Variants in PARP4 observed in about 807,000 individuals in gnomAD.
The protein encoded by PARP4 is protein mono-ADP-ribosyltransferase PARP4.
PARP4 carries 120 observed loss-of-function variants against 187.7 expected under a neutral mutation model. That is an observed-to-expected ratio of 0.64 (90% CI 0.55 to 0.74). The LOEUF is 0.74. PARP4 is among the 30% of genes least tolerant of loss of function. The probability of loss-of-function intolerance (pLI) is 0.00; values close to 1 mark genes in which losing one functional copy is unlikely to be tolerated. For synonymous variants in PARP4, 654 were observed against 740.9 expected (o/e 0.88, Z 1.90); for missense variants, 1,836 against 2,070.5 (o/e 0.89, Z 2.20).
rs2137460686 is a variant in PARP4 at position 24,446,724 on chromosome 13, C to T, written c.3323G>A (p.Arg1108His). The T allele has an allele frequency of 6.2e-7, 1 of 1,604,032 alleles. No individual in the cohort carries two copies. The change falls in exon 27 of 34, where the codon CGT becomes CAT. Residue 1108 changes from arginine to histidine, a missense_variant. This residue lies in a region of PARP4 where 56 missense variants were observed against 56.6 expected (regional missense o/e 0.99). Coordinates refer to ENST00000381989, the MANE Select transcript of PARP4 (RefSeq NM_006437.4). ...AAGCTCAGTAGTCGACACCATTGTA[C>T]GAAATTCTTTCTCTTGAATTAGTGC... The part of the protein sequence containing the change: ...LCALIQEKEF[R>H]TMVSTTELQK...
intron 9 of PARP4, among the ~76,000 whole-genome samples, chr13:24,491,995 G>A (rs948179595): frequency 2.0e-5 from 3 of 152,208 alleles, no homozygotes; most frequent in Non-Finnish European, 2.9e-5. Context: ...AGGGACGGAA[G>A]GAGGCTGGGA....
At chr13:24,448,280 T>C (rs9318561) in intron 25 of PARP4, among the ~76,000 whole-genome samples, 125,711 of 152,032 alleles carry the variant, frequency 0.83, 54,511 homozygotes, top group East Asian at 0.98. Context: ...TGGTGGCATA[T>C]GCCTGTAGTC....
intron 25 of PARP4, among the ~76,000 whole-genome samples, chr13:24,448,878 T>C (rs1251810352): frequency 6.6e-6 from 1 of 152,140 alleles, no homozygotes. Flanking sequence ...AAAGGGACAA[T>C]GTCCTATGAC....
At chr13:24,481,907 TAG>T in intron 12 of PARP4, among the ~76,000 whole-genome samples, 1 of 152,332 alleles carries the variant, frequency 6.6e-6, no homozygotes, top group Non-Finnish European at 1.5e-5. Flanking sequence ...ATAGCTGCCA[TAG>T]ACAGTGATTC....
At chr13:24,478,439 TTTC>T (rs1287867399) in intron 12 of PARP4, among the ~76,000 whole-genome samples, 163 bp from the exon 13 acceptor site, 18 of 152,198 alleles carry the variant, frequency 1.2e-4, no homozygotes, top group African/African-American at 3.4e-4. Flanking sequence ...TTATTTAATA[TTTC>T]TTCTTTTTTT....
chr13:24,466,521 G>A (rs376965370), intron 17 of PARP4, among the ~76,000 whole-genome samples: 7 of 152,174 alleles, frequency 4.6e-5, no homozygotes, highest in Admixed American at 6.5e-5. Context: ...CTGGCTGGGC[G>A]CAGTGGCTCA....
intron 8 of PARP4, 32 bp downstream of exon 8, chr13:24,493,564 T>C (rs1336471839): frequency 6.9e-6 from 11 of 1,588,306 alleles, no homozygotes; most frequent in Admixed American, 1.9e-5. Flanking sequence ...GGCAGATTTT[T>C]CACATTCTGT....
intron 12 of PARP4, among the ~76,000 whole-genome samples, chr13:24,480,927 C>T (rs1174939289): frequency 6.6e-6 from 1 of 152,254 alleles, no homozygotes; most frequent in Non-Finnish European, 1.5e-5. Flanking sequence ...TCCATGTAGA[C>T]AAAACAGCCT....
At chr13:24,500,904 T>A (rs1184701082) in intron 3 of PARP4, among the ~76,000 whole-genome samples, 1 of 152,228 alleles carries the variant, frequency 6.6e-6, no homozygotes, top group Non-Finnish European at 1.5e-5. Flanking sequence ...CCAAGGATCA[T>A]CAGTGTATTT....
At chr13:24,474,104 T>C (rs1276404130) in intron 15 of PARP4, among the ~76,000 whole-genome samples, 1 of 152,186 alleles carries the variant, frequency 6.6e-6, no homozygotes, top group Non-Finnish European at 1.5e-5. Flanking sequence ...TCCTGTGACT[T>C]TGACCATTCT....
At chr13:24,479,627 G>A (rs1368026216) in intron 12 of PARP4, among the ~76,000 whole-genome samples, 2 of 152,146 alleles carry the variant, frequency 1.3e-5, no homozygotes, top group Non-Finnish European at 2.9e-5. Context: ...TGGTGGGGAG[G>A]TGGAGAACCT....
chr13:24,449,581 G>A, intron 25 of PARP4, 137 bp downstream of exon 25: 2 of 566,730 alleles, frequency 3.5e-6, no homozygotes, highest in Non-Finnish European at 6.5e-6. Flanking sequence ...CTGAGGCAGG[G>A]CTCACACCTG....
At chr13:24,486,983 C>A (rs1593640155) in intron 10 of PARP4, among the ~76,000 whole-genome samples, 1 of 151,192 alleles carries the variant, frequency 6.6e-6, no homozygotes, top group Non-Finnish European at 1.5e-5. Context: ...AGTTATCGGC[C>A]GGGCATGGTG....
At position 24,499,392 on chromosome 13, in the gene PARP4, T is replaced by C. The variant is rs372801370; in HGVS notation, c.402-16A>G. 3.2e-6 allele frequency: 5 copies of C among 1,552,612 alleles called. No homozygotes were observed. The highest frequency in any genetic ancestry group is 2.8e-5 in the African/African-American group (2 of 71,174). ...CATACCAAACCTGAAATTTGTAGTG[T>C]ATAATTAAAATTTTAACATTAAATG... On this transcript the variant is annotated splice_polypyrimidine_tract_variant and intron_variant, in intron 4 of 33. Transcript: ENST00000381989.
chr13:24,469,513 AGCTTT>A (rs1232976532), intron 16 of PARP4, among the ~76,000 whole-genome samples: 6 of 152,198 alleles, frequency 3.9e-5, no homozygotes, highest in Non-Finnish European at 8.8e-5. Flanking sequence ...AAGTTACAAT[AGCTTT>A]CATTTCAGCT....
intron 2 of PARP4, 125 bp from the exon 3 acceptor site, chr13:24,501,959 C>A (rs544444066): frequency 1.1e-5 from 7 of 615,010 alleles, no homozygotes; most frequent in Admixed American, 6.1e-5. Context: ...TCTCAAATTT[C>A]GAAAAACCTC....
At chr13:24,461,559 A>G (rs747964034) in intron 17 of PARP4, among the ~76,000 whole-genome samples, 9 of 152,182 alleles carry the variant, frequency 5.9e-5, no homozygotes, top group Non-Finnish European at 8.8e-5. Flanking sequence ...TTACTGGTTT[A>G]GAAGAATTGG....
At chr13:24,494,978 T>C (rs1269515020) in intron 6 of PARP4, among the ~76,000 whole-genome samples, 7 of 152,024 alleles carry the variant, frequency 4.6e-5, no homozygotes, top group Non-Finnish European at 1.0e-4. Context: ...TTCAAGCGAT[T>C]CTTCTGCCTC....
intron 12 of PARP4, among the ~76,000 whole-genome samples, chr13:24,481,259 C>T (rs1873263407): frequency 6.6e-6 from 1 of 152,252 alleles, no homozygotes; most frequent in African/African-American, 2.4e-5. Context: ...TATGACTGCT[C>T]ACTGGCAAAG....
Sources: gnomAD v4.1 joint callset for allele counts (sites outside exome capture counted in the v4.1 genomes callset) on GRCh38, gnomAD v4.1.1 for gene constraint, gnomAD v4.1.1 regional missense constraint, MANE v1.5 for transcripts, NCBI Gene and HGNC (gene_info 2026-07-23, HGNC 2026-07-21) for gene names.